Variants in PPARGC1A observed in about 807,000 individuals in gnomAD.
The protein encoded by PPARGC1A is PPARG coactivator 1 alpha, also known as peroxisome proliferator-activated receptor gamma coactivator 1-alpha.
Under a neutral mutation model 88.7 loss-of-function variants are expected in PPARGC1A, and 25 were observed. The ratio of observed to expected loss-of-function variants is 0.28; its 90% CI spans 0.21 to 0.39. The LOEUF is 0.39. PPARGC1A is among the 10% of genes least tolerant of loss of function. The probability of loss-of-function intolerance (pLI) is 1.00; values close to 1 mark genes in which losing one functional copy is unlikely to be tolerated. For missense variants in PPARGC1A, 880 were observed against 968.7 expected (o/e 0.91, Z 1.22); for synonymous variants, 363 against 355.6 (o/e 1.02, Z -0.24).
the PPARGC1A span, among the ~76,000 whole-genome samples, chr4:24,356,616 A>T: frequency 6.6e-6 from 1 of 152,096 alleles, no homozygotes; most frequent in Non-Finnish European, 1.5e-5. Context: ...AACTCCCTCT[A>T]ATAATTTATT....
At chr4:24,323,970 T>G in the PPARGC1A span, among the ~76,000 whole-genome samples, 1 of 152,220 alleles carries the variant, frequency 6.6e-6, no homozygotes, top group African/African-American at 2.4e-5. Flanking sequence ...TCTCTTAATT[T>G]CAATTCCTTT....
At chr4:24,045,562 G>A in the PPARGC1A span, among the ~76,000 whole-genome samples, 9 of 152,210 alleles carry the variant, frequency 5.9e-5, 1 homozygote, top group East Asian at 1.9e-4. Context: ...TCCTTGGTGC[G>A]CTACTTGGCT....
chr4:24,301,253 C>G, the PPARGC1A span, among the ~76,000 whole-genome samples: 1 of 151,438 alleles, frequency 6.6e-6, no homozygotes, highest in African/African-American at 2.4e-5. Flanking sequence ...CTTTTTAGAC[C>G]CCATGATTTG....
chr4:24,163,693 G>A, the PPARGC1A span, among the ~76,000 whole-genome samples: 1 of 152,246 alleles, frequency 6.6e-6, no homozygotes, highest in East Asian at 1.9e-4. Flanking sequence ...AATCTCATTA[G>A]GCCAACTAGA....
At chr4:24,103,226 T>G in the PPARGC1A span, among the ~76,000 whole-genome samples, 13 of 152,032 alleles carry the variant, frequency 8.6e-5, no homozygotes, top group South Asian at 2.1e-4. Flanking sequence ...CTTGGCCGAG[T>G]GGGTAGTTCC....
intron 7 of PPARGC1A, among the ~76,000 whole-genome samples, chr4:23,815,894 GA>G (rs1427219061): frequency 6.6e-6 from 1 of 151,780 alleles, no homozygotes; most frequent in Non-Finnish European, 1.5e-5. Context: ...TACCTTGCTG[GA>G]AAAAAAATAA....
chr4:24,332,196 T>C, the PPARGC1A span, among the ~76,000 whole-genome samples: 3 of 152,046 alleles, frequency 2.0e-5, no homozygotes, highest in African/African-American at 7.2e-5. Flanking sequence ...CAGGCTGATC[T>C]CAAACTCCTG....
At chr4:24,011,436 T>C in the PPARGC1A span, among the ~76,000 whole-genome samples, 1 of 152,142 alleles carries the variant, frequency 6.6e-6, no homozygotes, top group Non-Finnish European at 1.5e-5. Context: ...AAGGAGTTTA[T>C]AGAACTTTCA....
the PPARGC1A span, among the ~76,000 whole-genome samples, chr4:24,266,763 G>T: frequency 1.8e-4 from 27 of 152,248 alleles, 1 homozygote; most frequent in South Asian, 5.6e-3. Context: ...TGCGGAGGGA[G>T]CGCCATCCTC....
chr4:24,304,183 T>C, the PPARGC1A span, among the ~76,000 whole-genome samples: 7 of 152,212 alleles, frequency 4.6e-5, no homozygotes, highest in Non-Finnish European at 7.3e-5. Context: ...TAAATGCTTA[T>C]AGATGACCTG....
At chr4:24,112,438 G>T in the PPARGC1A span, among the ~76,000 whole-genome samples, 1 of 152,126 alleles carries the variant, frequency 6.6e-6, no homozygotes, top group Non-Finnish European at 1.5e-5. Context: ...GAAGCAGGCT[G>T]AATTTTACCA....
chr4:24,425,181 C>T, the PPARGC1A span, among the ~76,000 whole-genome samples: 1 of 152,106 alleles, frequency 6.6e-6, no homozygotes, highest in Non-Finnish European at 1.5e-5. Context: ...TCTGATTTCT[C>T]TTATGGAAGA....
the PPARGC1A span, among the ~76,000 whole-genome samples, chr4:24,086,574 C>A: frequency 6.6e-6 from 1 of 152,158 alleles, no homozygotes; most frequent in Admixed American, 6.5e-5. Flanking sequence ...ATACATGGAG[C>A]ATTTTGTGGT....
At chr4:24,099,000 T>C in the PPARGC1A span, among the ~76,000 whole-genome samples, 1 of 152,166 alleles carries the variant, frequency 6.6e-6, no homozygotes, top group South Asian at 2.1e-4. Flanking sequence ...CTTTCCAGTA[T>C]GTTTATATCC....
chr4:24,326,037 A>C, the PPARGC1A span, among the ~76,000 whole-genome samples: 4 of 152,000 alleles, frequency 2.6e-5, no homozygotes, highest in East Asian at 1.9e-4. Context: ...GATCTCATTG[A>C]TGCCCTTCTT....
the PPARGC1A span, among the ~76,000 whole-genome samples, chr4:24,174,488 A>G: frequency 6.6e-6 from 1 of 152,222 alleles, no homozygotes; most frequent in Admixed American, 6.5e-5. Flanking sequence ...AGGATTTACT[A>G]TAGATTTGGT....
chr4:24,136,458 C>T, the PPARGC1A span, among the ~76,000 whole-genome samples: 1 of 152,250 alleles, frequency 6.6e-6, no homozygotes, highest in Admixed American at 6.5e-5. Context: ...AGTTACTCAA[C>T]CCTCTCCGAA....
chr4:24,464,712 G>A, the PPARGC1A span, among the ~76,000 whole-genome samples: 159 of 152,240 alleles, frequency 1.0e-3, no homozygotes, highest in African/African-American at 3.5e-3. Context: ...GCAATCAGAC[G>A]TGCACACTAC....
chr4:23,965,825 C>T, the PPARGC1A span, among the ~76,000 whole-genome samples: 1 of 152,180 alleles, frequency 6.6e-6, no homozygotes, highest in Admixed American at 6.5e-5. Context: ...AACTGTAATG[C>T]CTCCTGTCAT....
Sources: gnomAD v4.1 joint callset for allele counts (sites outside exome capture counted in the v4.1 genomes callset) on GRCh38, gnomAD v4.1.1 for gene constraint, MANE v1.5 for transcripts, NCBI Gene and HGNC (gene_info 2026-07-23, HGNC 2026-07-21) for gene names.